ZNF143: variants seen among roughly 807,000 people sequenced by gnomAD.
ZNF143 encodes SPH-binding factor.
Under a neutral mutation model 74.1 loss-of-function variants are expected in ZNF143, and 49 were observed. The observed-to-expected ratio is 0.66, with a 90% confidence interval of 0.53 to 0.84. ZNF143 has a LOEUF of 0.84. Ranked by LOEUF, ZNF143 falls within the 40% of genes least tolerant of loss-of-function variation. The probability of loss-of-function intolerance (pLI) is 0.00; values close to 1 mark genes in which losing one functional copy is unlikely to be tolerated. For synonymous variants in ZNF143, 304 were observed against 282.8 expected (o/e 1.07, Z -0.75); for missense variants, 637 against 793.4 (o/e 0.80, Z 2.37).
chr11:9,476,422 G>C (rs1856893335), intron 5 of ZNF143, among the ~76,000 whole-genome samples: 1 of 151,878 alleles, frequency 6.6e-6, no homozygotes, highest in Non-Finnish European at 1.5e-5. Context: ...TGCCAGGCTG[G>C]AGTGCAGGGA....
At chr11:9,502,481 G>A (rs1428791951) in intron 11 of ZNF143, among the ~76,000 whole-genome samples, 2 of 150,598 alleles carry the variant, frequency 1.3e-5, no homozygotes, top group African/African-American at 2.4e-5. Flanking sequence ...ATGGTGGCGG[G>A]TGCCTATAGT....
At chr11:9,488,983 A>G (rs916859385) in intron 7 of ZNF143, among the ~76,000 whole-genome samples, 1 of 152,208 alleles carries the variant, frequency 6.6e-6, no homozygotes, top group African/African-American at 2.4e-5. Context: ...TTCCAATACA[A>G]GGGGAGGGAA....
In ZNF143 at chr11:9,471,261, G is replaced by A. The variant is rs760385593; in HGVS notation, c.-7-41G>A. ...ATTCTTTGTAACTTTCATTTCACAT[G>A]TATCATTCTTTGTTCCCAAGTGTCT... On this transcript the variant is annotated intron_variant, in intron 1 of 15. Coordinates refer to ENST00000396602, the MANE Select transcript of ZNF143 (RefSeq NM_003442.6). The A allele has an allele frequency of 6.8e-6, 10 of 1,475,068 alleles. No individual in the cohort carries two copies. The East Asian group carries it at 1.6e-4, about 24-fold the overall frequency. The allele number at this position is 1,475,068 out of a possible 1,614,324, so 91.4% of individuals were successfully genotyped here.
rs188515008 is a variant in ZNF143 at position 9,472,289 on chromosome 11, G to A, written c.113-388G>A. Reference sequence around the variant, plus strand: ...TTTTTTTGAGACGGAGTCTGGCTCTGTCGCCCAGGCTGGAGGGCAGTGGCA... The same window carrying A: ...TTTTTTTGAGACGGAGTCTGGCTCTATCGCCCAGGCTGGAGGGCAGTGGCA... On this transcript the variant is annotated intron_variant, in intron 2 of 15. Transcript: ENST00000396602. 1.8e-3 allele frequency among the ~76,000 whole-genome samples: 274 copies of A among 149,994 alleles called. 1 individual carries two copies. The highest frequency in any genetic ancestry group is 3.0e-3 in the Non-Finnish European group (205 of 67,388).
intron 1 of ZNF143, among the ~76,000 whole-genome samples, chr11:9,465,057 A>G (rs1856114145): frequency 6.6e-6 from 1 of 152,248 alleles, no homozygotes; most frequent in Non-Finnish European, 1.5e-5. Context: ...TGAATACAAA[A>G]TGTTATGTAT....
intron 15 of ZNF143, among the ~76,000 whole-genome samples, chr11:9,526,911 G>T (rs769648564): frequency 3.3e-5 from 5 of 152,130 alleles, no homozygotes; most frequent in Admixed American, 6.5e-5. Context: ...TGCAAGCTCC[G>T]CCTCCTGGGT....
intron 5 of ZNF143, among the ~76,000 whole-genome samples, chr11:9,475,864 C>T (rs1856845778): frequency 6.6e-6 from 1 of 151,636 alleles, no homozygotes; most frequent in African/African-American, 2.4e-5. Flanking sequence ...TGCCACTGCA[C>T]TCCAGCCTGG....
chr11:9,516,538 C>G (rs1848729948), intron 14 of ZNF143, among the ~76,000 whole-genome samples, 176 bp downstream of exon 14: 1 of 152,020 alleles, frequency 6.6e-6, no homozygotes, highest in African/African-American at 2.4e-5. Flanking sequence ...AAGTAGGGTG[C>G]TAGTTGCATG....
chr11:9,527,768 C>A lies in ZNF143; in HGVS notation c.*155C>A. 1.6e-6 allele frequency: 1 copy of A among 639,598 alleles called. No individual in the cohort carries two copies. Among genetic ancestry groups the A allele is most frequent in the Non-Finnish European group, 2.7e-6 (1 of 369,454 alleles). The allele number at this position is 639,598 out of a possible 1,614,324, so 39.6% of individuals were successfully genotyped here. On this transcript the variant is annotated 3_prime_UTR_variant, in exon 16 of 16. Transcript: ENST00000396602. The stretch of plus-strand genomic sequence containing the variant: ...AGTGGAGAACATTTTATTCTTGACA[C>A]TTTTGTGTATATAACCCTTGGAATA...
chr11:9,499,597 C>T lies in ZNF143; in HGVS notation c.968-1494C>T, dbSNP rs371039050. On this transcript the variant is annotated intron_variant, in intron 10 of 15. Coordinates refer to ENST00000396602, the MANE Select transcript of ZNF143 (RefSeq NM_003442.6). ...GCATGTGCCTGTGGTCGCAGCTACCCGGGAGGCTGAGGTGTGAGGATTGCT... is the reference window on the plus strand; with the variant it reads ...GCATGTGCCTGTGGTCGCAGCTACCTGGGAGGCTGAGGTGTGAGGATTGCT... 2.4e-4 allele frequency among the ~76,000 whole-genome samples: 37 copies of T among 152,186 alleles called. 1 individual carries two copies. The highest frequency in any genetic ancestry group is 8.7e-4 in the African/African-American group (36 of 41,544).
chr11:9,506,348 A>G (rs940517904), intron 11 of ZNF143, among the ~76,000 whole-genome samples: 2 of 152,226 alleles, frequency 1.3e-5, no homozygotes, highest in Non-Finnish European at 2.9e-5. Flanking sequence ...GAAAAGAAAA[A>G]AGCAATGGAA....
At position 9,527,582 on chromosome 11, in the gene ZNF143, A is replaced by G. The variant is rs1328054611; in HGVS notation, c.1886A>G (p.Gln629Arg). ...GCCATCAGAATAGCGTCTAGAATCCAACAAGGAGAAACGCCAGGGTTGGAT... is the reference window on the plus strand; with the variant it reads ...GCCATCAGAATAGCGTCTAGAATCCGACAAGGAGAAACGCCAGGGTTGGAT... Reference protein sequence around the residue: ...EEAIRIASRIQQGETPGLDD With the variant: ...EEAIRIASRIRQGETPGLDD The change falls in exon 16 of 16, where the codon CAA becomes CGA. Residue 629 changes from glutamine to arginine, a missense_variant. Around this residue, in one of 2 missense-constraint regions of ZNF143, gnomAD observed 344 missense variants for 485.6 expected, o/e 0.71. Transcript: ENST00000396602. The G allele has an allele frequency of 6.2e-7, 1 of 1,614,174 alleles. No individual in the cohort carries two copies. Among genetic ancestry groups the G allele is most frequent in the Admixed American group, 1.7e-5 (1 of 60,020 alleles).
chr11:9,492,064 A>G (rs1487998110), intron 7 of ZNF143, among the ~76,000 whole-genome samples: 2 of 150,638 alleles, frequency 1.3e-5, no homozygotes, highest in Admixed American at 1.3e-4. Context: ...CCTGCCTCCC[A>G]AGTAGCTGGG....
At position 9,512,572 on chromosome 11, in the gene ZNF143, C is replaced by T. The variant is rs763794740; in HGVS notation, c.1500C>T (p.Leu500=). 1.1e-5 allele frequency: 18 copies of T among 1,614,118 alleles called. No homozygotes were observed. The highest frequency in any genetic ancestry group is 1.4e-5 in the Non-Finnish European group (16 of 1,180,060). The change falls in exon 13 of 16, where the codon CTC becomes CTT. Residue 500 remains leucine (L), a synonymous_variant. Transcript: ENST00000396602. ...TQSGLSQQVT[L]ISQDGTQHVN... ...CTGGACTGAGTCAACAAGTTACACT[C>T]ATATCCCAGGATGGGACTCAGCATG...
At chr11:9,494,312 T>C (rs1589905369) in intron 7 of ZNF143, among the ~76,000 whole-genome samples, 5 of 152,184 alleles carry the variant, frequency 3.3e-5, no homozygotes, top group Admixed American at 3.3e-4. Context: ...TATTGATTGA[T>C]TGATTGATTG....
chr11:9,466,118 G>A (rs1856196045), intron 1 of ZNF143, among the ~76,000 whole-genome samples: 1 of 151,668 alleles, frequency 6.6e-6, no homozygotes, highest in African/African-American at 2.4e-5. Flanking sequence ...GAGTATCTGG[G>A]ATTACAGGCA....
intron 10 of ZNF143, among the ~76,000 whole-genome samples, chr11:9,498,309 C>T (rs1380052957): frequency 2.6e-5 from 4 of 152,216 alleles, no homozygotes; most frequent in Non-Finnish European, 5.9e-5. Context: ...GAAGGGTCCA[C>T]GTCCCAGAAA....
chr11:9,510,787 C>T (rs959242721), intron 12 of ZNF143, among the ~76,000 whole-genome samples: 4 of 151,820 alleles, frequency 2.6e-5, no homozygotes, highest in Admixed American at 6.6e-5. Flanking sequence ...TGATGAAAGA[C>T]GAGAGGGACC....
Position 9,482,656 on chromosome 11 carries a change from CTTT to C in ZNF143, c.645+3124_645+3126del, listed in dbSNP as rs55996675. Among the ~76,000 whole-genome samples, 1,116 of 144,188 alleles carry C rather than the reference CTTT, an allele frequency of 7.7e-3. 3 individuals are homozygous for C. Among genetic ancestry groups the C allele is most frequent in the East Asian group, 0.024 (122 of 5,006 alleles). 94.6% of individuals were successfully genotyped at this position (144,188 alleles called of 152,430 possible). A position where few individuals can be genotyped will look rare whatever the true frequency, so the allele number is the denominator to read the frequency against. The stretch of plus-strand genomic sequence containing the variant: ...AAATAGAAGACTACTGAATGGGATT[CTTT>C]TTTTTTTTTTTTTACTGTAGCTTTT... On this transcript the variant is annotated intron_variant, in intron 7 of 15. Transcript: ENST00000396602.
Sources: allele counts gnomAD v4.1 joint callset (sites outside exome capture counted in the v4.1 genomes callset), GRCh38; gene constraint gnomAD v4.1.1; regional missense constraint gnomAD v4.1.1; transcripts MANE v1.5; gene names NCBI Gene and HGNC (gene_info 2026-07-23, HGNC 2026-07-21).